RTN4: variants seen among roughly 807,000 people sequenced by gnomAD.
RTN4 encodes the protein reticulon 4.
A neutral mutation model predicts 90.4 loss-of-function variants in RTN4; 32 were observed. The observed-to-expected ratio is 0.35, with a 90% CI of 0.27 to 0.48. The LOEUF (loss-of-function observed/expected upper bound fraction) is 0.48. Ranked by LOEUF, RTN4 falls within the 20% of genes least tolerant of loss-of-function variation. The probability of loss-of-function intolerance (pLI) is 0.99; values close to 1 mark genes in which losing one functional copy is unlikely to be tolerated. For synonymous variants in RTN4, 629 were observed against 552.5 expected, an observed-to-expected ratio of 1.14 and a Z score of -1.94; for missense variants, 1,706 against 1,430.2, an observed-to-expected ratio of 1.19 and a Z score of -3.11.
intron 1 of RTN4, among the ~76,000 whole-genome samples, chr2:55,041,529 A>C (rs1454029766): frequency 6.6e-6 from 1 of 152,138 alleles, no homozygotes; most frequent in African/African-American, 2.4e-5. Flanking sequence ...CTGACAGATA[A>C]ATGGAAAAGC....
intron 3 of RTN4, among the ~76,000 whole-genome samples, chr2:55,021,807 AT>A (rs1271109825): frequency 6.6e-6 from 1 of 152,224 alleles, no homozygotes; most frequent in East Asian, 1.9e-4. Context: ...TGTTTTCATT[AT>A]AGCAATACTG....
At chr2:55,028,127 A>T (rs199707832) in intron 2 of RTN4, 37 bp downstream of exon 2, 1 of 1,584,182 alleles carries the variant, frequency 6.3e-7, no homozygotes, top group Non-Finnish European at 8.6e-7. Flanking sequence ...TAAAGTTAGA[A>T]TACAGAGAGG....
chr2:55,049,593 G>A, intron 1 of RTN4, 152 bp downstream of exon 1: 1 of 1,294,356 alleles, frequency 7.7e-7, no homozygotes, highest in Non-Finnish European at 1.1e-6. Context: ...TTCTCCCCGC[G>A]CTTCCAACCA....
chr2:55,101,569 T>C (rs1265992543), intron 1 of RTN4, among the ~76,000 whole-genome samples: 1 of 152,130 alleles, frequency 6.6e-6, no homozygotes, highest in African/African-American at 2.4e-5. Context: ...AACTTTGAAA[T>C]CTTTAGAACA....
chr2:55,112,886 C>A (rs1474208458), upstream of RTN4, among the ~76,000 whole-genome samples: 4 of 152,168 alleles, frequency 2.6e-5, no homozygotes, highest in Non-Finnish European at 5.9e-5. Flanking sequence ...TCTGGAGCAA[C>A]CAAATAGCTA....
At chr2:54,977,114 G>A (rs1411069873) in intron 5 of RTN4, among the ~76,000 whole-genome samples, 1 of 151,448 alleles carries the variant, frequency 6.6e-6, no homozygotes, top group African/African-American at 2.4e-5. Context: ...GCAAACGGTG[G>A]GAGAGTGCTT....
rs575601415 is a variant in RTN4, at chr2:55,022,062, C to T, written c.3013+3024G>A. ...GGCAATGCCCCCTTTTCTTCCCTTA[C>T]TTCTAAACTATTAGGCTATAGATTT... On this transcript the variant is annotated intron_variant, in intron 3 of 8. Coordinates refer to ENST00000337526, the MANE Select transcript of RTN4 (RefSeq NM_020532.5). Among the ~76,000 whole-genome samples, 20 of 152,302 alleles carry T rather than the reference C, an allele frequency of 1.3e-4. No homozygotes were observed. In the South Asian group the frequency reaches 3.9e-3, roughly 30 times the overall value.
intron 3 of RTN4, among the ~76,000 whole-genome samples, chr2:54,995,804 G>A (rs1205641139): frequency 6.6e-6 from 1 of 152,042 alleles, no homozygotes; most frequent in African/African-American, 2.4e-5. Context: ...AAACCACAGA[G>A]TACCCAGAGA....
chr2:55,034,840 T>C (rs1019179825), intron 1 of RTN4, among the ~76,000 whole-genome samples: 3 of 152,168 alleles, frequency 2.0e-5, no homozygotes, highest in Non-Finnish European at 4.4e-5. Context: ...GCAAAACTTA[T>C]GACAATAAAA....
intron 1 of RTN4, among the ~76,000 whole-genome samples, chr2:55,047,553 C>A (rs569574168): frequency 7.5e-6 from 1 of 133,038 alleles, no homozygotes; most frequent in East Asian, 2.2e-4. Context: ...TTATTTTCCC[C>A]CATTATGGAG....
At chr2:55,050,749 GA>G (rs1668064488), upstream of RTN4, 1 of 153,070 alleles carries the variant, frequency 6.5e-6, no homozygotes, top group African/African-American at 2.4e-5. The surrounding 1 kb of genome is among the most constrained non-coding windows in gnomAD (Gnocchi z 4.6). Context: ...GCGGGGCTGA[GA>G]GCTGGGAGCT....
At chr2:55,007,176 T>G (rs7571562) in intron 3 of RTN4, among the ~76,000 whole-genome samples, 1 of 152,102 alleles carries the variant, frequency 6.6e-6, no homozygotes, top group Non-Finnish European at 1.5e-5. Flanking sequence ...ACCTCATCCT[T>G]GTCCTGCAAA....
intron 5 of RTN4, among the ~76,000 whole-genome samples, chr2:54,975,191 T>A (rs1469260638): frequency 6.6e-6 from 1 of 152,262 alleles, no homozygotes; most frequent in African/African-American, 2.4e-5. Context: ...TCTCAGCTGA[T>A]AAGCAATAAT....
intron 3 of RTN4, among the ~76,000 whole-genome samples, chr2:55,019,075 C>A (rs994313260): frequency 1.3e-5 from 2 of 152,040 alleles, no homozygotes; most frequent in Non-Finnish European, 2.9e-5. Flanking sequence ...CCTGAAGGAA[C>A]CCTCAAAATA....
chr2:54,987,416 G>C, intron 4 of RTN4, 75 bp downstream of exon 4: 1 of 1,067,122 alleles, frequency 9.4e-7, no homozygotes, highest in Non-Finnish European at 1.5e-6. Flanking sequence ...TAACTCTATA[G>C]ACAGTAGATG....
chr2:55,108,576 G>C (rs932264856), intron 1 of RTN4, among the ~76,000 whole-genome samples: 3 of 152,060 alleles, frequency 2.0e-5, no homozygotes, highest in African/African-American at 7.3e-5. Context: ...AGCAGCTCTA[G>C]TGGAGGGATG....
At chr2:55,105,974 C>T (rs993045365) in intron 1 of RTN4, among the ~76,000 whole-genome samples, 5 of 151,992 alleles carry the variant, frequency 3.3e-5, no homozygotes, top group Admixed American at 2.6e-4. Flanking sequence ...GAGGAGACCC[C>T]CATCTCTAAA....
At chr2:54,978,359 G>T (rs1189064705) in intron 5 of RTN4, among the ~76,000 whole-genome samples, 1 of 149,446 alleles carries the variant, frequency 6.7e-6, no homozygotes, top group African/African-American at 2.5e-5. Context: ...GAACCTGGAA[G>T]GCAAAGGTTG....
At chr2:55,017,525 G>A (rs888997930) in intron 3 of RTN4, among the ~76,000 whole-genome samples, 3 of 152,106 alleles carry the variant, frequency 2.0e-5, no homozygotes, top group African/African-American at 4.8e-5. Context: ...CTTACCAATA[G>A]TTCCAATTAG....
Sources: allele counts gnomAD v4.1 joint callset (sites outside exome capture counted in the v4.1 genomes callset), GRCh38; gene constraint gnomAD v4.1.1; non-coding constraint Gnocchi (gnomAD v3.1); transcripts MANE v1.5; gene names NCBI Gene and HGNC (gene_info 2026-07-23, HGNC 2026-07-21).